Variants in MRTFB observed in about 807,000 individuals in gnomAD.
MRTFB encodes the protein myocardin-related transcription factor B.
Under a neutral mutation model 104.2 loss-of-function variants are expected in MRTFB, and 29 were observed. The ratio of observed to expected loss-of-function variants is 0.28; its 90% CI spans 0.21 to 0.38. The LOEUF is 0.38. Ranked by LOEUF, MRTFB falls within the 10% of genes least tolerant of loss-of-function variation. The pLI, the probability that MRTFB is intolerant of heterozygous loss-of-function variation, is 1.00. For synonymous variants in MRTFB, 535 were observed against 519.5 expected, an observed-to-expected ratio of 1.03 and a Z score of -0.41; for missense variants, 1,270 against 1,341.6, an observed-to-expected ratio of 0.95 and a Z score of 0.83.
At chr16:14,236,467 A>AC in intron 9 of MRTFB, among the ~76,000 whole-genome samples, 1 of 152,292 alleles carries the variant, frequency 6.6e-6, no homozygotes, top group East Asian at 1.9e-4. Flanking sequence ...ACAAATCCCC[A>AC]CCCTTAGGGT....
intron 10 of MRTFB, among the ~76,000 whole-genome samples, chr16:14,242,167 C>G (rs2042802094): frequency 6.6e-6 from 1 of 151,964 alleles, no homozygotes; most frequent in South Asian, 2.1e-4. Flanking sequence ...GGATTTTCAC[C>G]TTATCTTTGA....
chr16:14,105,574 T>A (rs553506542), intron 2 of MRTFB, among the ~76,000 whole-genome samples: 1 of 152,238 alleles, frequency 6.6e-6, no homozygotes, highest in African/African-American at 2.4e-5. Flanking sequence ...ATTTTTAAAA[T>A]TTTTTGTAAA....
At chr16:14,130,933 G>C (rs2037409426) in intron 2 of MRTFB, among the ~76,000 whole-genome samples, 1 of 152,014 alleles carries the variant, frequency 6.6e-6, no homozygotes, top group South Asian at 2.1e-4. Context: ...CGGCAGCATG[G>C]GGGTAACTGC....
chr16:14,179,101 G>T (rs1005083645), intron 3 of MRTFB, among the ~76,000 whole-genome samples: 1 of 152,194 alleles, frequency 6.6e-6, no homozygotes, highest in African/African-American at 2.4e-5. Flanking sequence ...TAAATGAAGT[G>T]TAAACTCCTT....
chr16:14,161,620 G>C (rs1020848824), intron 3 of MRTFB, among the ~76,000 whole-genome samples: 4 of 152,124 alleles, frequency 2.6e-5, no homozygotes, highest in Non-Finnish European at 5.9e-5. Context: ...GAACTCTTGT[G>C]TACCAAAAGA....
the MRTFB span, chr16:14,015,940 A>C: frequency 2.5e-6 from 1 of 398,704 alleles, no homozygotes; most frequent in Non-Finnish European, 4.4e-6. Context: ...ATGCATCCAG[A>C]GACTAGGCTG....
chr16:14,050,375 C>G, the MRTFB span, among the ~76,000 whole-genome samples: 2 of 152,048 alleles, frequency 1.3e-5, no homozygotes, highest in Admixed American at 6.6e-5. Context: ...TTTTTTTCCT[C>G]TTTTTTGATA....
upstream of MRTFB, among the ~76,000 whole-genome samples, chr16:14,067,794 ATTAT>A (rs1396589328): frequency 8.3e-6 from 1 of 120,988 alleles, no homozygotes; most frequent in Non-Finnish European, 1.6e-5. Context: ...TGTTCTCAGA[ATTAT>A]TTATTTCATT....
Position 14,246,415 on chromosome 16 carries a change from A to T in MRTFB, c.1213-58A>T, listed in dbSNP as rs956197360. On this transcript the variant is annotated intron_variant, in intron 11 of 16. Coordinates refer to ENST00000571589, the MANE Select transcript of MRTFB (RefSeq NM_001308142.2). ...GGCACCTTTCCCATCACAAAAGCGTACTGTAGATTTGCCAGAAAGCTCTAA... is the reference window on the plus strand; with the variant it reads ...GGCACCTTTCCCATCACAAAAGCGTTCTGTAGATTTGCCAGAAAGCTCTAA... 3.2e-6 allele frequency: 5 copies of T among 1,552,016 alleles called. No homozygotes were observed. In the South Asian group the frequency reaches 5.9e-5, roughly 18 times the overall value.
intron 3 of MRTFB, among the ~76,000 whole-genome samples, chr16:14,196,365 C>G (rs1045336502): frequency 2.0e-5 from 3 of 152,168 alleles, no homozygotes; most frequent in Admixed American, 2.0e-4. Flanking sequence ...TAATTTTGCT[C>G]TTTAATTTCT....
At chr16:14,036,533 T>TA in the MRTFB span, among the ~76,000 whole-genome samples, 29 of 146,054 alleles carry the variant, frequency 2.0e-4, no homozygotes, top group African/African-American at 6.5e-4. Flanking sequence ...TATGTTGAAA[T>TA]TATACATTCC....
chr16:14,082,651 G>C (rs2034477598), intron 2 of MRTFB, among the ~76,000 whole-genome samples: 1 of 152,072 alleles, frequency 6.6e-6, no homozygotes, highest in African/African-American at 2.4e-5. Flanking sequence ...GTGGTCATTT[G>C]TACCTGTAGT....
the MRTFB span, among the ~76,000 whole-genome samples, chr16:14,007,476 G>T: frequency 1.3e-5 from 2 of 152,154 alleles, no homozygotes; most frequent in Non-Finnish European, 2.9e-5. Flanking sequence ...TCACTCATCA[G>T]TTTACCATTT....
At chr16:14,066,910 A>C (rs541385245), upstream of MRTFB, among the ~76,000 whole-genome samples, 4 of 151,344 alleles carry the variant, frequency 2.6e-5, no homozygotes, top group African/African-American at 9.7e-5. Context: ...GCCTCATTCA[A>C]TCCTCTCTCC....
intron 2 of MRTFB, among the ~76,000 whole-genome samples, chr16:14,106,537 A>G (rs2035986698): frequency 6.6e-6 from 1 of 152,186 alleles, no homozygotes; most frequent in African/African-American, 2.4e-5. Context: ...TGAGTTATTT[A>G]GCCTCTCCAA....
At chr16:14,026,743 A>G in the MRTFB span, among the ~76,000 whole-genome samples, 2 of 152,244 alleles carry the variant, frequency 1.3e-5, no homozygotes, top group Non-Finnish European at 2.9e-5. Flanking sequence ...GGCAAAAGGC[A>G]TGAACAGACA....
At chr16:14,136,688 CT>C (rs999343604) in intron 2 of MRTFB, among the ~76,000 whole-genome samples, 1 of 152,042 alleles carries the variant, frequency 6.6e-6, no homozygotes, top group Non-Finnish European at 1.5e-5. Flanking sequence ...TTGGTTCTAT[CT>C]TGACTCCATT....
chr16:14,222,653 A>G (rs2041788544), intron 8 of MRTFB, among the ~76,000 whole-genome samples: 1 of 151,812 alleles, frequency 6.6e-6, no homozygotes, highest in Admixed American at 6.6e-5. Flanking sequence ...TTGAGATGCC[A>G]AAGTGAGAGG....
At chr16:14,185,041 T>C (rs1329371434) in intron 3 of MRTFB, among the ~76,000 whole-genome samples, 1 of 152,248 alleles carries the variant, frequency 6.6e-6, no homozygotes, top group Non-Finnish European at 1.5e-5. Context: ...TTATTTTTAT[T>C]ACTCCTTTAA....
Sources: gnomAD v4.1 joint callset for allele counts (sites outside exome capture counted in the v4.1 genomes callset) on GRCh38, gnomAD v4.1.1 for gene constraint, MANE v1.5 for transcripts, NCBI Gene and HGNC (gene_info 2026-07-23, HGNC 2026-07-21) for gene names.